TRIM37: variants seen among roughly 807,000 people sequenced by gnomAD.
TRIM37 encodes the protein E3 ubiquitin-protein ligase TRIM37.
Under a neutral mutation model 129.8 loss-of-function variants are expected in TRIM37, and 80 were observed. The observed-to-expected ratio is 0.62, with a 90% CI of 0.51 to 0.74. The LOEUF is 0.74. Ranked by LOEUF, TRIM37 falls within the 30% of genes least tolerant of loss-of-function variation. TRIM37 has a pLI of 0.00. For synonymous variants in TRIM37, 389 were observed against 387.1 expected, an observed-to-expected ratio of 1.00 and a Z score of -0.06; for missense variants, 1,054 against 1,176.5, an observed-to-expected ratio of 0.90 and a Z score of 1.52.
chr17:59,046,920 C>G (rs1244553864), intron 16 of TRIM37, among the ~76,000 whole-genome samples: 1 of 150,038 alleles, frequency 6.7e-6, no homozygotes, highest in Admixed American at 6.6e-5. Flanking sequence ...TTTGGGAGGC[C>G]GAGGTGGACG....
chr17:59,106,233 A>C (rs1301335940), intron 1 of TRIM37, among the ~76,000 whole-genome samples: 1 of 152,200 alleles, frequency 6.6e-6, no homozygotes, highest in East Asian at 1.9e-4. Flanking sequence ...CAGGATACGC[A>C]CCACCTGACT....
chr17:58,978,337 AATG>A (rs1441260034), downstream of TRIM37, among the ~76,000 whole-genome samples: 2 of 152,148 alleles, frequency 1.3e-5, no homozygotes, highest in African/African-American at 4.8e-5. Context: ...AATACTATGT[AATG>A]ATGATTTATG....
chr17:58,982,851 AT>A (rs1280181354), exon 25 of TRIM37: 42 of 1,506,194 alleles, frequency 2.8e-5, no homozygotes, highest in Non-Finnish European at 3.8e-5. Context: ...GTCCTCACTC[AT>A]ATCTGTCACC....
chr17:58,977,071 A>G, the TRIM37 span, among the ~76,000 whole-genome samples: 1 of 152,174 alleles, frequency 6.6e-6, no homozygotes. Flanking sequence ...CTAACAGGCT[A>G]TGGAGGCACC....
intron 19 of TRIM37, among the ~76,000 whole-genome samples, chr17:59,022,586 G>T (rs2036733196): frequency 2.0e-5 from 3 of 152,178 alleles, no homozygotes; most frequent in African/African-American, 7.2e-5. Context: ...TGTAAATCTG[G>T]AATGAAATTG....
chr17:59,069,304 G>A (rs1645746613), intron 9 of TRIM37, among the ~76,000 whole-genome samples: 1 of 151,834 alleles, frequency 6.6e-6, no homozygotes. Context: ...CCGAGATCAC[G>A]CCACTGCATT....
intron 3 of TRIM37, among the ~76,000 whole-genome samples, chr17:59,089,227 CT>C (rs1200010260): frequency 3.9e-5 from 6 of 152,154 alleles, no homozygotes; most frequent in Non-Finnish European, 7.4e-5. Context: ...GCACTCCAGC[CT>C]GGGGAACAGA....
intron 2 of TRIM37, among the ~76,000 whole-genome samples, chr17:59,095,688 A>G (rs1341247779): frequency 1.3e-5 from 2 of 152,140 alleles, no homozygotes; most frequent in Non-Finnish European, 2.9e-5. Context: ...GGCAAACTAT[A>G]TATACATACA....
At chr17:59,023,117 C>T (rs1306166383) in intron 19 of TRIM37, among the ~76,000 whole-genome samples, 1 of 152,058 alleles carries the variant, frequency 6.6e-6, no homozygotes, top group East Asian at 1.9e-4. Flanking sequence ...CACTTGTCAC[C>T]TAGGCTGGAG....
the TRIM37 span, among the ~76,000 whole-genome samples, chr17:58,970,687 G>A: frequency 1.3e-5 from 2 of 152,024 alleles, no homozygotes; most frequent in Non-Finnish European, 2.9e-5. Flanking sequence ...CCTAAGTTTG[G>A]ATTAATATGC....
chr17:58,981,099 T>TA, downstream of TRIM37: 1 of 1,114,218 alleles, frequency 9.0e-7, no homozygotes, highest in Non-Finnish European at 1.3e-6. Flanking sequence ...AGAAACAAGG[T>TA]AGACATTTCT....
intron 16 of TRIM37, among the ~76,000 whole-genome samples, chr17:59,042,445 A>AT (rs1220676334): frequency 2.3e-3 from 94 of 40,234 alleles, no homozygotes; most frequent in East Asian, 0.011. Flanking sequence ...AAAAAAAAAA[A>AT]AAAAATATAT....
chr17:59,015,105 A>G (rs918082689), intron 21 of TRIM37, among the ~76,000 whole-genome samples: 2 of 77,060 alleles, frequency 2.6e-5, no homozygotes, highest in African/African-American at 1.4e-4. Flanking sequence ...ATCTCATCCC[A>G]TTAAAAAAAA....
chr17:59,031,009 T>C (rs564455911), intron 18 of TRIM37, among the ~76,000 whole-genome samples: 3 of 152,188 alleles, frequency 2.0e-5, no homozygotes, highest in Non-Finnish European at 4.4e-5. Context: ...GATAGTCTTT[T>C]AAGCTGAGGA....
At chr17:58,993,183 C>T (rs1358826668) in intron 24 of TRIM37, among the ~76,000 whole-genome samples, 1 of 152,168 alleles carries the variant, frequency 6.6e-6, no homozygotes, top group Non-Finnish European at 1.5e-5. Flanking sequence ...GTGCCTTTTA[C>T]CTTTTGCCAT....
At chr17:59,004,274 A>C (rs545328196) in intron 22 of TRIM37, among the ~76,000 whole-genome samples, 1 of 152,320 alleles carries the variant, frequency 6.6e-6, no homozygotes, top group South Asian at 2.1e-4. Flanking sequence ...TTCTGAATTA[A>C]ATACAAATAA....
intron 9 of TRIM37, among the ~76,000 whole-genome samples, chr17:59,068,621 T>C (rs1310263672): frequency 6.6e-6 from 1 of 152,230 alleles, no homozygotes; most frequent in African/African-American, 2.4e-5. Context: ...GTCCTTTTAA[T>C]AATATTCAGT....
chr17:59,054,653 G>A (rs1444360987), intron 13 of TRIM37, among the ~76,000 whole-genome samples: 1 of 150,942 alleles, frequency 6.6e-6, no homozygotes, highest in African/African-American at 2.4e-5. Flanking sequence ...AAACAGGGCT[G>A]TTGTTTTTAT....
chr17:59,055,236 T>G (rs2040727440), intron 13 of TRIM37, among the ~76,000 whole-genome samples: 2 of 144,880 alleles, frequency 1.4e-5, no homozygotes, highest in Admixed American at 1.5e-4. Flanking sequence ...CTCGGGAGGC[T>G]GAGGCAGGAG....
Sources: gnomAD v4.1 joint callset for allele counts (sites outside exome capture counted in the v4.1 genomes callset) on GRCh38, gnomAD v4.1.1 for gene constraint, MANE v1.5 for transcripts, NCBI Gene and HGNC (gene_info 2026-07-23, HGNC 2026-07-21) for gene names.